The following TAF1 variants were observed in gnomAD, a reference collection of about 807,000 sequenced individuals.
TAF1 encodes TATA-box binding protein associated factor 1, also known as transcription initiation factor TFIID subunit 1.
Under a neutral mutation model 138.5 loss-of-function variants are expected in TAF1, and 2 were observed. The ratio of observed to expected loss-of-function variants is 0.01; its 90% CI spans 0.01 to 0.05. The LOEUF is 0.05. Among genes scored for constraint, TAF1 ranks in the 10% least tolerant of loss-of-function variants. The pLI is 1.00. For synonymous variants in TAF1, 437 were observed against 503.2 expected, an observed-to-expected ratio of 0.87 and a Z score of 1.76; for missense variants, 709 against 1,478.0, an observed-to-expected ratio of 0.48 and a Z score of 8.53.
intron 28 of TAF1, among the ~76,000 whole-genome samples, chrX:71,408,378 C>T (rs767571035): frequency 1.5e-4 from 17 of 110,435 alleles, no homozygotes; most frequent in Admixed American, 3.9e-4. Flanking sequence ...AGTGCAGTGG[C>T]GCAATCTTGG....
intron 4 of TAF1, 128 bp downstream of exon 4, chrX:71,375,414 C>T: frequency 1.1e-6 from 1 of 896,582 alleles, no homozygotes; most frequent in Non-Finnish European, 1.5e-6. Context: ...ATAATTCATA[C>T]AATCGCAAAT....
At chrX:71,457,307 G>A (rs2038350323) in intron 34 of TAF1, among the ~76,000 whole-genome samples, 1 of 112,609 alleles carries the variant, frequency 8.9e-6, no homozygotes, top group African/African-American at 3.2e-5. Flanking sequence ...CAAGAAATAA[G>A]TTACCTCTTG....
At chrX:71,386,589 C>A (rs1223674724) in intron 14 of TAF1, among the ~76,000 whole-genome samples, 1 of 111,931 alleles carries the variant, frequency 8.9e-6, no homozygotes, top group Admixed American at 9.5e-5. Flanking sequence ...CTCAGCCTCC[C>A]AAGTAGATGG....
chrX:71,386,834 T>C, intron 14 of TAF1, among the ~76,000 whole-genome samples: 1 of 113,214 alleles, frequency 8.8e-6, no homozygotes, highest in South Asian at 3.6e-4. Context: ...TGTGTTGGGC[T>C]ACACTGGGGT....
intron 13 of TAF1, chrX:71,491,272 GAAGGGA>G (rs2039279738): frequency 9.1e-6 from 1 of 109,939 alleles, no homozygotes; most frequent in African/African-American, 3.3e-5. Flanking sequence ...GCAGGAGGTA[GAAGGGA>G]AAGTTCAGTG....
In TAF1 at chrX:71,407,681, A is replaced by G. The variant is rs758629271; in HGVS notation, c.4206+9A>G. 2.2e-5 allele frequency: 26 copies of G among 1,188,419 alleles called. No homozygotes were observed. The East Asian group carries it at 7.7e-4, about 35-fold the overall frequency. The stretch of plus-strand genomic sequence containing the variant: ...TGAGAGATCTTCCAAATGTGAGTTC[A>G]TTGCATTGGATATCTATAGTAGGGA... On this transcript the variant is annotated intron_variant, in intron 27 of 37. Coordinates refer to ENST00000423759, the MANE Select transcript of TAF1 (RefSeq NM_004606.5).
At chrX:71,437,447 A>G (rs1486551641) in intron 32 of TAF1, among the ~76,000 whole-genome samples, 3 of 109,606 alleles carry the variant, frequency 2.7e-5, no homozygotes, top group Non-Finnish European at 3.8e-5. Context: ...GGTGGCTCAC[A>G]ACAGTAATCC....
chrX:71,387,220 G>C, intron 14 of TAF1, 41 bp from the exon 15 acceptor site: 15 of 1,194,498 alleles, frequency 1.3e-5, no homozygotes, highest in Non-Finnish European at 1.7e-5. Context: ...AATTTCCTAG[G>C]GCTACTCTGT....
Position 71,432,645 on chromosome X carries a change from G to A in TAF1, c.4753+8407G>A, listed in dbSNP as rs538473368. 2.3e-3 allele frequency among the ~76,000 whole-genome samples: 257 copies of A among 110,192 alleles called. 1 individual carries two copies. The highest frequency in any genetic ancestry group is 0.019 in the Middle Eastern group (4 of 212). On this transcript the variant is annotated intron_variant, in intron 32 of 37. Transcript: ENST00000423759. ...TTTGTGGATGTGCTGGAAAGATTGG[G>A]AATTGAGGGTATTAGCAAAAAAAAA... is the stretch of plus-strand genomic sequence containing the variant.
chrX:71,470,437 ATGTC>A (rs1002682581), downstream of TAF1, among the ~76,000 whole-genome samples: 6 of 109,477 alleles, frequency 5.5e-5, no homozygotes, highest in Admixed American at 3.9e-4. Context: ...ATATATATAT[ATGTC>A]TGTGTTAGCC....
chrX:71,454,708 A>C (rs752470316), intron 33 of TAF1, 33 bp from the exon 34 acceptor site: 1 of 1,155,180 alleles, frequency 8.7e-7, no homozygotes, highest in Admixed American at 2.3e-5. Flanking sequence ...CTTAAAATAC[A>C]TGTTGAATGA....
intron 30 of TAF1, 26 bp downstream of exon 30, chrX:71,423,265 G>C: frequency 3.3e-6 from 4 of 1,210,471 alleles, no homozygotes; most frequent in Non-Finnish European, 3.4e-6. Context: ...GCCAAATACT[G>C]TGAGGATCGT....
intron 32 of TAF1, among the ~76,000 whole-genome samples, chrX:71,443,964 G>A: frequency 1.8e-5 from 2 of 111,367 alleles, no homozygotes; most frequent in South Asian, 7.5e-4. Context: ...GCCTGCCTCA[G>A]CCTCCCAAAG....
intron 26 of TAF1, among the ~76,000 whole-genome samples, chrX:71,407,106 G>T (rs1315762505): frequency 9.2e-6 from 1 of 108,280 alleles, no homozygotes; most frequent in Non-Finnish European, 1.9e-5. Flanking sequence ...AGTAGAGATG[G>T]GGTTTTGCCT....
At chrX:71,379,615 TTGAGACG>T (rs2033735779) in intron 8 of TAF1, among the ~76,000 whole-genome samples, 1 of 100,542 alleles carries the variant, frequency 9.9e-6, no homozygotes. Flanking sequence ...TTTTTTTTTT[TTGAGACG>T]GAGTCTTGCT....
rs142395495 is a variant in TAF1 at position 71,380,243 on chromosome X, A to G, written c.1360+1212A>G. On this transcript the variant is annotated intron_variant, in intron 8 of 37. Coordinates refer to ENST00000423759, the MANE Select transcript of TAF1 (RefSeq NM_004606.5). ...ATTTTTTATTTTTCATTGTTGAGAC[A>G]GGGCCTCACTTTGTTGCCCAGACTG... Among the ~76,000 whole-genome samples the G allele has an allele frequency of 7.6e-3, 839 of 110,406 alleles. 12 individuals are homozygous for G. Among genetic ancestry groups the G allele is most frequent in the African/African-American group, 0.026 (795 of 30,341 alleles).
At chrX:71,426,729 CAA>C (rs931475383) in intron 32 of TAF1, among the ~76,000 whole-genome samples, 23 of 106,730 alleles carry the variant, frequency 2.2e-4, no homozygotes, top group East Asian at 1.2e-3. Flanking sequence ...AAAAAAAAAA[CAA>C]AGAGACAGTG....
intron 14 of TAF1, among the ~76,000 whole-genome samples, chrX:71,385,353 T>C (rs1236379079): frequency 2.7e-5 from 3 of 112,047 alleles, no homozygotes. Context: ...TACTATAATT[T>C]ATGAATATTT....
chrX:71,529,726 A>G (rs753629020), exon 15 of TAF1: 1 of 331,927 alleles, frequency 3.0e-6, no homozygotes, highest in East Asian at 9.7e-5. Context: ...CAGGCTGAAG[A>G]TAGTGAAAAT....
Sources: allele counts gnomAD v4.1 joint callset (sites outside exome capture counted in the v4.1 genomes callset), GRCh38; gene constraint gnomAD v4.1.1; transcripts MANE v1.5; gene names NCBI Gene and HGNC (gene_info 2026-07-23, HGNC 2026-07-21).